The following ITGB2 variants were observed in gnomAD, a reference collection of about 807,000 sequenced individuals.
ITGB2 encodes integrin beta-2.
A neutral mutation model predicts 86.8 loss-of-function variants in ITGB2; 56 were observed. The observed-to-expected ratio is 0.65, with a 90% CI of 0.52 to 0.81. The LOEUF (loss-of-function observed/expected upper bound fraction) is 0.81, where lower values mean the gene tolerates loss of function less well. ITGB2 is among the 30% of genes least tolerant of loss of function. The pLI is 0.00. For missense variants in ITGB2, 948 were observed against 1,061.2 expected (o/e 0.89, Z 1.48); for synonymous variants, 457 against 450.4 (o/e 1.01, Z -0.19).
At chr21:44,911,165 C>T in intron 1 of ITGB2, 3 of 370,590 alleles carry the variant, frequency 8.1e-6, no homozygotes, top group Non-Finnish European at 1.6e-5. Flanking sequence ...ACACACCACA[C>T]ATATACATGC....
chr21:44,894,858 C>G, intron 9 of ITGB2, 113 bp downstream of exon 9: 1 of 801,940 alleles, frequency 1.2e-6, no homozygotes, highest in South Asian at 1.4e-5. Context: ...GCCCACGGGG[C>G]AGGGGCTTTC....
At chr21:44,908,175 G>A in intron 3 of ITGB2, 1 of 738,420 alleles carries the variant, frequency 1.4e-6, no homozygotes, top group Admixed American at 1.9e-5. Context: ...AGGACCCAAA[G>A]CCGCTCCCTG....
At chr21:44,896,705 C>T (rs1437359940) in intron 8 of ITGB2, among the ~76,000 whole-genome samples, 1 of 152,118 alleles carries the variant, frequency 6.6e-6, no homozygotes, top group Non-Finnish European at 1.5e-5. Flanking sequence ...CTGCTGTGCG[C>T]TTGGTGCAGA....
Position 44,910,734 on chromosome 21 carries a change from G to A in ITGB2, c.49C>T (p.Leu17Phe), listed in dbSNP as rs1372549555. The A allele has an allele frequency of 1.9e-6, 3 of 1,614,032 alleles. No homozygotes were observed. Among genetic ancestry groups the A allele is most frequent in the South Asian group, 2.2e-5 (2 of 91,050 alleles). ...GGAACACAGAACTCACCGCACCCGA[G>A]GGAGAGCAGCCCCACCAGGGCGAGC... Reference protein sequence around the residue: ...PLLALVGLLSLGCVLSQECTK... With the variant: ...PLLALVGLLSFGCVLSQECTK... The change falls in exon 2 of 16, where the codon CTC becomes TTC. Residue 17 changes from leucine to phenylalanine, a missense_variant. By Grantham distance (22) the Leu-to-Phe change is conservative (BLOSUM62 0). Transcript: ENST00000652462.
intron 10 of ITGB2, among the ~76,000 whole-genome samples, chr21:44,892,227 A>G (rs1481592255): frequency 6.6e-6 from 1 of 152,246 alleles, no homozygotes; most frequent in Non-Finnish European, 1.5e-5. Context: ...CTCCCCGGCC[A>G]CACATCAGCA....
At chr21:44,921,306 A>T (rs1257817781), upstream of ITGB2, 1 of 152,362 alleles carries the variant, frequency 6.6e-6, no homozygotes, top group Non-Finnish European at 1.5e-5. Context: ...GAGCGGAGGA[A>T]CCAGCCAAGG....
intron 1 of ITGB2, among the ~76,000 whole-genome samples, chr21:44,914,963 C>G (rs1699687376): frequency 1.3e-5 from 2 of 152,076 alleles, no homozygotes; most frequent in Admixed American, 1.3e-4. Context: ...AGAAAGGAAA[C>G]TTTAAGCAAG....
At chr21:44,910,513 C>T in intron 2 of ITGB2, 141 bp from the exon 3 acceptor site, 4 of 1,527,916 alleles carry the variant, frequency 2.6e-6, no homozygotes, top group Non-Finnish European at 3.6e-6. Flanking sequence ...TCGCCACCAC[C>T]CCCAGGTGCA....
chr21:44,907,669 C>G (rs773804081), intron 3 of ITGB2, among the ~76,000 whole-genome samples: 2 of 152,228 alleles, frequency 1.3e-5, no homozygotes, highest in African/African-American at 4.8e-5. Context: ...TGGTGGGTCC[C>G]GTCACTGGCC....
At chr21:44,916,344 A>G (rs1476910770) in intron 1 of ITGB2, among the ~76,000 whole-genome samples, 1 of 151,768 alleles carries the variant, frequency 6.6e-6, no homozygotes, top group South Asian at 2.1e-4. Flanking sequence ...CCTGAAGTCA[A>G]AGGGAAATCA....
chr21:44,893,124 C>A, intron 10 of ITGB2: 1 of 399,340 alleles, frequency 2.5e-6, no homozygotes, highest in Non-Finnish European at 4.8e-6. Context: ...CTCTCACTGA[C>A]GTTCCTGACA....
chr21:44,915,133 C>G (rs1430280147), intron 1 of ITGB2, among the ~76,000 whole-genome samples: 3 of 152,096 alleles, frequency 2.0e-5, no homozygotes, highest in Non-Finnish European at 4.4e-5. Context: ...ATGCCATTCT[C>G]CTGCCTCAGC....
upstream of ITGB2, among the ~76,000 whole-genome samples, chr21:44,922,547 G>A (rs562827252): frequency 6.6e-5 from 10 of 151,288 alleles, no homozygotes; most frequent in Non-Finnish European, 1.0e-4. Context: ...GGTAGCACGC[G>A]ATATGGTCCA....
rs772968727 is a variant in ITGB2, at chr21:44,907,082, G to A, written c.161C>T (p.Pro54Leu). 2.6e-5 allele frequency: 42 copies of A among 1,602,794 alleles called. No individual in the cohort carries two copies. The highest frequency in any genetic ancestry group is 6.7e-5 in the East Asian group (3 of 44,660). Residue 54 changes from proline to leucine, a missense_variant, in exon 4 of 16, where the codon CCG becomes CTG. By Grantham distance (98) the Pro-to-Leu change is moderately conservative. Transcript: ENST00000652462. ...TWCQKLNFTGPGDPDSIRCDT... is the reference protein window; with the variant it reads ...TWCQKLNFTGLGDPDSIRCDT... Reference sequence around the variant, plus strand: ...GCAGCGAATGGAGTCAGGATCCCCCGGCCCTGTGAAGTTCTGGGGAGGGGG... The same window carrying A: ...GCAGCGAATGGAGTCAGGATCCCCCAGCCCTGTGAAGTTCTGGGGAGGGGG...
Position 44,886,406 on chromosome 21 carries a change from TG to T in ITGB2, c.2271del (p.Thr758ProfsTer5). ...AACTTGGGGTTCATGACCGTCGTGG[TG>T]GCGCTCTTGAAAAGGGGATTATCCT... ...WNNDNPLFKSATTTVMNPKFA... is the reference protein window; with the variant it reads ...WNNDNPLFKSXTTTVMNPKFA... On this transcript the variant is annotated frameshift_variant, in exon 16 of 16. Coordinates refer to ENST00000652462, the MANE Select transcript of ITGB2 (RefSeq NM_000211.5). LOFTEE classifies it high-confidence loss of function. 1 of 1,614,120 alleles carries T rather than the reference TG, an allele frequency of 6.2e-7. No homozygotes were observed. Among genetic ancestry groups the T allele is most frequent in the Non-Finnish European group, 8.5e-7 (1 of 1,180,000 alleles).
chr21:44,894,946 C>T, intron 9 of ITGB2, 25 bp downstream of exon 9: 2 of 1,511,190 alleles, frequency 1.3e-6, no homozygotes, highest in Non-Finnish European at 1.8e-6. Flanking sequence ...CCATGGGTCC[C>T]AGCTGAGTGG....
At chr21:44,928,421 T>C (rs534056188) in intron 1 of ITGB2, 3 of 152,358 alleles carry the variant, frequency 2.0e-5, no homozygotes, top group African/African-American at 7.2e-5. Flanking sequence ...GAACGACAAT[T>C]GCATGGTCAG....
intron 14 of ITGB2, among the ~76,000 whole-genome samples, chr21:44,887,527 T>C (rs970653404): frequency 7.9e-5 from 12 of 152,146 alleles, no homozygotes; most frequent in African/African-American, 2.9e-4. Context: ...GTACCCCTCC[T>C]GCCATCCTGA....
Position 44,907,103 on chromosome 21 carries a change from G to C in ITGB2, c.148-8C>G. ...CCCCGGCCCTGTGAAGTTCTGGGGAGGGGGAGTCAGGGGTCAGGAGGGGGC... is the reference window on the plus strand; with the variant it reads ...CCCCGGCCCTGTGAAGTTCTGGGGACGGGGAGTCAGGGGTCAGGAGGGGGC... On this transcript the variant is annotated splice_region_variant and splice_polypyrimidine_tract_variant and intron_variant, in intron 3 of 15. Transcript: ENST00000652462. 3 of 1,586,870 alleles carry C rather than the reference G, an allele frequency of 1.9e-6. No homozygotes were observed. The highest frequency in any genetic ancestry group is 2.6e-6 in the Non-Finnish European group (3 of 1,163,706).
Sources: gnomAD v4.1 joint callset for allele counts (sites outside exome capture counted in the v4.1 genomes callset) on GRCh38, gnomAD v4.1.1 for gene constraint, MANE v1.5 for transcripts, NCBI Gene and HGNC (gene_info 2026-07-23, HGNC 2026-07-21) for gene names.